The following AKAP13 variants were observed in gnomAD, a reference collection of about 807,000 sequenced individuals.
AKAP13 encodes the protein A-kinase anchor protein 13.
A neutral mutation model predicts 264.5 loss-of-function variants in AKAP13; 80 were observed. That is an observed-to-expected ratio of 0.30 (90% CI 0.25 to 0.36). The LOEUF (loss-of-function observed/expected upper bound fraction) is 0.36, where lower values mean the gene tolerates loss of function less well. Among genes scored for constraint, AKAP13 ranks in the 10% least tolerant of loss-of-function variants. The probability of loss-of-function intolerance (pLI) is 1.00; values close to 1 mark genes in which losing one functional copy is unlikely to be tolerated. For missense variants in AKAP13, 3,712 were observed against 3,435.2 expected (o/e 1.08, Z -2.01); for synonymous variants, 1,380 against 1,250.2 (o/e 1.10, Z -2.19).
intron 1 of AKAP13, among the ~76,000 whole-genome samples, chr15:85,406,240 A>C (rs2071655697): frequency 6.6e-6 from 1 of 152,180 alleles, no homozygotes; most frequent in African/African-American, 2.4e-5. Flanking sequence ...ACGGTAGTGC[A>C]GTTATTTCCA....
intron 1 of AKAP13, among the ~76,000 whole-genome samples, chr15:85,458,398 T>TTTTG (rs1168763229): frequency 6.7e-6 from 1 of 148,648 alleles, no homozygotes; most frequent in African/African-American, 2.5e-5. Flanking sequence ...TTTTTGTTTT[T>TTTTG]TTTTTTTTTT....
chr15:85,596,113 AAGTT>A (rs1364611016), intron 8 of AKAP13, among the ~76,000 whole-genome samples: 1 of 152,186 alleles, frequency 6.6e-6, no homozygotes, highest in Non-Finnish European at 1.5e-5. Flanking sequence ...TCTTCAAAGA[AAGTT>A]AGTTGATGGT....
chr15:85,504,270 C>G (rs1038901298), intron 2 of AKAP13, among the ~76,000 whole-genome samples: 1 of 152,012 alleles, frequency 6.6e-6, no homozygotes, highest in African/African-American at 2.4e-5. Context: ...CAACCATCTG[C>G]TCTCTGGGAG....
chr15:85,463,983 G>A (rs1027103821), intron 1 of AKAP13, among the ~76,000 whole-genome samples: 4 of 152,082 alleles, frequency 2.6e-5, no homozygotes, highest in East Asian at 1.9e-4. Context: ...TATGTACTGC[G>A]GAAGCCATAA....
rs769425223 is a variant in AKAP13, at chr15:85,579,175, T to TA, written c.1108dup (p.Arg370LysfsTer5). The TA allele has an allele frequency of 6.2e-7, 1 of 1,613,742 alleles. No individual in the cohort carries two copies. The stretch of plus-strand genomic sequence containing the variant: ...AGGAGGAGAATACAGACCGTTCCTG[T>TA]AGGAAGAAAAATAAAGGCGTGGAAA... On this transcript the variant is annotated frameshift_variant, in exon 7 of 37. Coordinates refer to ENST00000394518, the MANE Select transcript of AKAP13 (RefSeq NM_007200.5). LOFTEE classifies it high-confidence loss of function.
intron 2 of AKAP13, among the ~76,000 whole-genome samples, chr15:85,498,230 CAT>C (rs1302233274): frequency 0.018 from 2,233 of 121,178 alleles, 94 homozygotes; most frequent in African/African-American, 0.065. Flanking sequence ...ATATATATCA[CAT>C]TGAGCGAGAT....
intron 1 of AKAP13, among the ~76,000 whole-genome samples, chr15:85,414,174 A>G (rs890003517): frequency 3.3e-5 from 5 of 152,004 alleles, no homozygotes. Flanking sequence ...TTTCAGCACT[A>G]TTGTGGCCTG....
chr15:85,498,199 G>GATATAGATAGATATATATATATATAT, intron 2 of AKAP13, among the ~76,000 whole-genome samples: 1 of 133,086 alleles, frequency 7.5e-6, no homozygotes, highest in South Asian at 3.4e-4. Context: ...AATGAAGTGA[G>GATATAGATAGATATATATATATATAT]ATATATATAT....
intron 8 of AKAP13, among the ~76,000 whole-genome samples, chr15:85,630,266 C>CAA (rs2081692430): frequency 6.6e-6 from 1 of 150,604 alleles, no homozygotes. Flanking sequence ...CACACACACA[C>CAA]AAACACAATG....
chr15:85,562,754 G>A (rs527824914), intron 5 of AKAP13, among the ~76,000 whole-genome samples: 23 of 129,316 alleles, frequency 1.8e-4, no homozygotes, highest in African/African-American at 5.5e-4. Flanking sequence ...GGAGTGCAAT[G>A]GCGCGACCTC....
chr15:85,630,266 C>CACACACACACACAA (rs1344775324), intron 8 of AKAP13, among the ~76,000 whole-genome samples: 1 of 150,604 alleles, frequency 6.6e-6, no homozygotes, highest in Admixed American at 6.6e-5. Flanking sequence ...CACACACACA[C>CACACACACACACAA]AAACACAATG....
intron 29 of AKAP13, among the ~76,000 whole-genome samples, chr15:85,729,751 A>G (rs959896612): frequency 3.9e-5 from 6 of 152,236 alleles, no homozygotes; most frequent in Admixed American, 1.3e-4. Context: ...AGCCTGGCCA[A>G]CATGGTGAAA....
chr15:85,740,451 T>G, intron 34 of AKAP13, 179 bp downstream of exon 34: 2 of 629,118 alleles, frequency 3.2e-6, no homozygotes, highest in East Asian at 5.6e-5. Context: ...CTTCCAGGAC[T>G]AGAATTAGTG....
At chr15:85,424,622 T>A (rs2072684031) in intron 1 of AKAP13, among the ~76,000 whole-genome samples, 1 of 152,252 alleles carries the variant, frequency 6.6e-6, no homozygotes, top group African/African-American at 2.4e-5. Context: ...ATTATTTATG[T>A]GCTCACTGGA....
At position 85,448,698 on chromosome 15, in the gene AKAP13, GCTCT is replaced by G. The variant is rs369293567; in HGVS notation, c.-11-37009_-11-37006del. Among the ~76,000 whole-genome samples the G allele has an allele frequency of 2.7e-4, 41 of 152,092 alleles. No homozygotes were observed. The South Asian group carries it at 5.6e-3, about 21-fold the overall frequency. On this transcript the variant is annotated intron_variant, in intron 1 of 36. Transcript: ENST00000394518. Reference sequence around the variant, plus strand: ...CGTAGATGTGTGACCTTATTTCTGGGCTCTCTATTTTGTTCCATTGGTTTGTGTG... The same window carrying G: ...CGTAGATGTGTGACCTTATTTCTGGGCTATTTTGTTCCATTGGTTTGTGTG...
intron 31 of AKAP13, 39 bp downstream of exon 31, chr15:85,735,189 T>C: frequency 6.3e-7 from 1 of 1,599,166 alleles, no homozygotes; most frequent in Non-Finnish European, 8.5e-7. Flanking sequence ...TAGGCAATCC[T>C]TGACTATCTC....
chr15:85,562,758 C>T (rs1250189272), intron 5 of AKAP13, among the ~76,000 whole-genome samples: 2 of 135,732 alleles, frequency 1.5e-5, no homozygotes, highest in African/African-American at 2.7e-5. Context: ...TGCAATGGCG[C>T]GACCTCGGCT....
intron 2 of AKAP13, among the ~76,000 whole-genome samples, chr15:85,512,087 A>G (rs998892149): frequency 2.6e-5 from 4 of 151,744 alleles, no homozygotes; most frequent in African/African-American, 9.7e-5. Flanking sequence ...TCAAGTATGA[A>G]TCTTTTGGCT....
At chr15:85,536,883 G>A (rs1385059372) in intron 4 of AKAP13, 3 of 152,184 alleles carry the variant, frequency 2.0e-5, no homozygotes, top group African/African-American at 7.2e-5. Flanking sequence ...GAGTTGTTTT[G>A]TCTTGTTCGT....
Sources: gnomAD v4.1 joint callset for allele counts (sites outside exome capture counted in the v4.1 genomes callset) on GRCh38, gnomAD v4.1.1 for gene constraint, MANE v1.5 for transcripts, NCBI Gene and HGNC (gene_info 2026-07-23, HGNC 2026-07-21) for gene names.